Variants in CPNE8 observed in about 807,000 individuals in gnomAD.
CPNE8 encodes the protein copine-8.
Under a neutral mutation model 81.5 loss-of-function variants are expected in CPNE8, and 45 were observed. The observed-to-expected ratio is 0.55, with a 90% CI of 0.44 to 0.71. CPNE8 has a LOEUF of 0.71. Among genes scored for constraint, CPNE8 ranks in the 30% least tolerant of loss-of-function variants. The pLI is 0.00. For missense variants in CPNE8, 594 were observed against 672.1 expected, an observed-to-expected ratio of 0.88 and a Z score of 1.28; for synonymous variants, 252 against 226.3, an observed-to-expected ratio of 1.11 and a Z score of -1.02.
chr12:38,814,076 G>A (rs1238917528), intron 6 of CPNE8, among the ~76,000 whole-genome samples: 4 of 152,034 alleles, frequency 2.6e-5, no homozygotes, highest in Admixed American at 6.6e-5. Flanking sequence ...AATGGAGGGG[G>A]AGCTGCAGCA....
At chr12:38,688,824 G>C (rs1939602437) in intron 15 of CPNE8, among the ~76,000 whole-genome samples, 1 of 152,148 alleles carries the variant, frequency 6.6e-6, no homozygotes, top group Non-Finnish European at 1.5e-5. Flanking sequence ...GACTGGCGGG[G>C]AAAGGTGGGA....
chr12:38,796,828 G>A (rs1007549781), intron 6 of CPNE8, among the ~76,000 whole-genome samples: 8 of 152,100 alleles, frequency 5.3e-5, no homozygotes, highest in Non-Finnish European at 7.4e-5. Flanking sequence ...CTGGAAAATC[G>A]GGTCACTCCC....
chr12:38,764,670 G>A (rs1941648707), intron 8 of CPNE8, among the ~76,000 whole-genome samples: 1 of 151,352 alleles, frequency 6.6e-6, no homozygotes, highest in African/African-American at 2.4e-5. Context: ...ATTACAGAGG[G>A]AAGGCAGAGC....
At chr12:38,714,892 A>T (rs1209008184) in intron 13 of CPNE8, among the ~76,000 whole-genome samples, 1 of 152,104 alleles carries the variant, frequency 6.6e-6, no homozygotes, top group African/African-American at 2.4e-5. Context: ...AACTAACGGA[A>T]GTGTATAATA....
chr12:38,744,872 T>C (rs1324155094), intron 10 of CPNE8, among the ~76,000 whole-genome samples: 1 of 152,236 alleles, frequency 6.6e-6, no homozygotes, highest in Non-Finnish European at 1.5e-5. Flanking sequence ...GATTTTATTA[T>C]TCTTTTTCTT....
intron 19 of CPNE8, 49 bp from the exon 20 acceptor site, chr12:38,654,119 G>A (rs747268963): frequency 6.6e-7 from 1 of 1,522,316 alleles, no homozygotes; most frequent in South Asian, 1.3e-5. Flanking sequence ...AGCAGGCTAT[G>A]TAATAAACAC....
chr12:38,785,566 C>A (rs950916440), intron 6 of CPNE8, among the ~76,000 whole-genome samples: 6 of 152,148 alleles, frequency 3.9e-5, no homozygotes, highest in African/African-American at 1.4e-4. Flanking sequence ...TGCACATATT[C>A]TCTCCATGTA....
intron 6 of CPNE8, among the ~76,000 whole-genome samples, chr12:38,798,078 G>A (rs1942546065): frequency 6.6e-6 from 1 of 152,286 alleles, no homozygotes; most frequent in African/African-American, 2.4e-5. Flanking sequence ...TCTCATTGGT[G>A]TACCTGAAAG....
At chr12:38,842,703 G>C (rs1943493293) in intron 4 of CPNE8, among the ~76,000 whole-genome samples, 2 of 150,462 alleles carry the variant, frequency 1.3e-5, no homozygotes, top group Admixed American at 1.3e-4. Context: ...AGCCTCCAGA[G>C]TCACTGGGGT....
At chr12:38,795,875 A>AGATAGATAGATG (rs1942453955) in intron 6 of CPNE8, among the ~76,000 whole-genome samples, 1 of 151,686 alleles carries the variant, frequency 6.6e-6, no homozygotes, top group Admixed American at 6.6e-5. Context: ...ATGGATAGAT[A>AGATAGATAGATG]GATAGATAGA....
chr12:38,825,213 C>A (rs1271374473), intron 6 of CPNE8, among the ~76,000 whole-genome samples: 3 of 152,194 alleles, frequency 2.0e-5, no homozygotes, highest in African/African-American at 7.2e-5. Context: ...AGCTTCCTGT[C>A]ACGAGAAGAA....
chr12:38,662,154 A>G (rs184630126), intron 19 of CPNE8, among the ~76,000 whole-genome samples: 40 of 152,308 alleles, frequency 2.6e-4, no homozygotes, highest in African/African-American at 9.4e-4. Context: ...AGTCCTAGCC[A>G]GAGAAATTAG....
At chr12:38,823,639 T>G (rs1167300058) in intron 6 of CPNE8, among the ~76,000 whole-genome samples, 1 of 152,186 alleles carries the variant, frequency 6.6e-6, no homozygotes, top group African/African-American at 2.4e-5. Context: ...CCTGCCTTTT[T>G]CCCTGATCCT....
intron 10 of CPNE8, among the ~76,000 whole-genome samples, chr12:38,731,213 T>C (rs1940823522): frequency 6.6e-6 from 1 of 151,896 alleles, no homozygotes; most frequent in Non-Finnish European, 1.5e-5. Flanking sequence ...ATACAGATTG[T>C]AGGAGTGAAA....
rs146496953 is a variant in CPNE8, at chr12:38,885,855, T to C, written c.99-11344A>G. The stretch of plus-strand genomic sequence containing the variant: ...CTCAGGAGATTTGGTTGTTTAAAAG[T>C]GTGTAGTACTTCCCCCTTCTCTCTC... On this transcript the variant is annotated intron_variant, in intron 1 of 19. Coordinates refer to ENST00000331366, the MANE Select transcript of CPNE8 (RefSeq NM_153634.3). Among the ~76,000 whole-genome samples the C allele has an allele frequency of 4.0e-3, 606 of 152,102 alleles. 1 individual carries two copies. Among genetic ancestry groups the C allele is most frequent in the Non-Finnish European group, 5.9e-3 (401 of 67,992 alleles).
intron 7 of CPNE8, 88 bp from the exon 8 acceptor site, chr12:38,767,826 A>T (rs1941721588): frequency 1.3e-6 from 1 of 795,046 alleles, no homozygotes; most frequent in Non-Finnish European, 1.9e-6. Flanking sequence ...ACAAGAAAAC[A>T]TATTTGCTAT....
intron 6 of CPNE8, among the ~76,000 whole-genome samples, chr12:38,806,396 T>C (rs1223470117): frequency 6.7e-6 from 1 of 149,090 alleles, no homozygotes; most frequent in Non-Finnish European, 1.5e-5. Flanking sequence ...TCAAAAAGCT[T>C]ATCCACCATG....
At chr12:38,864,445 C>T (rs1943887007) in intron 3 of CPNE8, among the ~76,000 whole-genome samples, 1 of 151,994 alleles carries the variant, frequency 6.6e-6, no homozygotes, top group African/African-American at 2.4e-5. Flanking sequence ...CCAGCCCCTG[C>T]CCTAGAAAAT....
intron 8 of CPNE8, among the ~76,000 whole-genome samples, chr12:38,762,567 G>C (rs990419197): frequency 6.6e-6 from 1 of 152,166 alleles, no homozygotes; most frequent in Non-Finnish European, 1.5e-5. Context: ...AGCTTTGTTG[G>C]AGTGTTGAGA....
Sources: allele counts gnomAD v4.1 joint callset (sites outside exome capture counted in the v4.1 genomes callset), GRCh38; gene constraint gnomAD v4.1.1; transcripts MANE v1.5; gene names NCBI Gene and HGNC (gene_info 2026-07-23, HGNC 2026-07-21).